The following CDH13 variants were observed in gnomAD, a reference collection of about 807,000 sequenced individuals.
CDH13 encodes cadherin 13.
A neutral mutation model predicts 63.8 loss-of-function variants in CDH13; 24 were observed. The observed-to-expected ratio is 0.38, with a 90% CI of 0.27 to 0.53. The LOEUF (loss-of-function observed/expected upper bound fraction) is 0.53, where lower values mean the gene tolerates loss of function less well. Ranked by LOEUF, CDH13 falls within the 20% of genes least tolerant of loss-of-function variation. CDH13 has a pLI of 0.85. For synonymous variants in CDH13, 503 were observed against 355.3 expected, an observed-to-expected ratio of 1.42 and a Z score of -4.67; for missense variants, 1,049 against 903.1, an observed-to-expected ratio of 1.16 and a Z score of -2.07.
intron 6 of CDH13, among the ~76,000 whole-genome samples, chr16:83,471,659 C>G (rs1169969424): frequency 6.6e-6 from 1 of 152,156 alleles, no homozygotes; most frequent in Non-Finnish European, 1.5e-5. Context: ...TCCAGCCTCC[C>G]CAGTGAGTAA....
At chr16:83,413,833 C>CA (rs1051518104) in intron 6 of CDH13, among the ~76,000 whole-genome samples, 4 of 151,846 alleles carry the variant, frequency 2.6e-5, no homozygotes, top group South Asian at 2.1e-4. Flanking sequence ...ACTAAAACTA[C>CA]AAAAAAAATT....
At chr16:83,619,185 C>T (rs1289678186) in intron 8 of CDH13, among the ~76,000 whole-genome samples, 1 of 152,190 alleles carries the variant, frequency 6.6e-6, no homozygotes, top group Non-Finnish European at 1.5e-5. Context: ...GTGCGCTATG[C>T]CTCCTCTTTT....
chr16:83,388,283 GA>G (rs549786649), intron 6 of CDH13, among the ~76,000 whole-genome samples: 5,045 of 115,478 alleles, frequency 0.044, 209 homozygotes, highest in African/African-American at 0.13. Context: ...CCTCTCTCTG[GA>G]AAAAAAAAAA....
intron 6 of CDH13, among the ~76,000 whole-genome samples, chr16:83,453,752 ATGTATCTCCACC>A (rs2072945560): frequency 6.0e-3 from 2 of 336 alleles, no homozygotes; most frequent in Admixed American, 0.036. Context: ...TTTATCCACC[ATGTATCTCCACC>A]ATGTATCTGT....
intron 5 of CDH13, among the ~76,000 whole-genome samples, chr16:83,261,757 A>G (rs923532048): frequency 2.6e-5 from 4 of 151,718 alleles, no homozygotes; most frequent in Non-Finnish European, 4.4e-5. Flanking sequence ...AAGATCAGAA[A>G]GCGAATAAGT....
At chr16:82,726,901 G>C (rs2033127552) in intron 1 of CDH13, among the ~76,000 whole-genome samples, 1 of 152,178 alleles carries the variant, frequency 6.6e-6, no homozygotes, top group Admixed American at 6.5e-5. Flanking sequence ...GCTGTATTCT[G>C]TCTGAGGCCA....
At chr16:83,110,115 C>A (rs750676723) in intron 3 of CDH13, among the ~76,000 whole-genome samples, 1 of 152,096 alleles carries the variant, frequency 6.6e-6, no homozygotes, top group Non-Finnish European at 1.5e-5. Context: ...TTTTTAGGTT[C>A]AACTTTTCAA....
At chr16:83,167,232 C>T (rs1430527494) in intron 4 of CDH13, among the ~76,000 whole-genome samples, 1 of 151,318 alleles carries the variant, frequency 6.6e-6, no homozygotes, top group African/African-American at 2.4e-5. Flanking sequence ...CACAGTGGCT[C>T]ACGCCTGTAA....
chr16:82,853,361 C>T (rs565478374), intron 1 of CDH13, among the ~76,000 whole-genome samples: 1 of 152,220 alleles, frequency 6.6e-6, no homozygotes, highest in Admixed American at 6.5e-5. Context: ...AATGTCTACC[C>T]TGGAGAATAT....
At chr16:82,976,933 G>A (rs1909596837) in intron 2 of CDH13, among the ~76,000 whole-genome samples, 1 of 152,170 alleles carries the variant, frequency 6.6e-6, no homozygotes, top group African/African-American at 2.4e-5. Flanking sequence ...CTTGTTCTGA[G>A]GAGAGGGCCT....
At chr16:83,431,799 A>G (rs560863762) in intron 6 of CDH13, among the ~76,000 whole-genome samples, 2 of 152,152 alleles carry the variant, frequency 1.3e-5, no homozygotes, top group Admixed American at 6.5e-5. Context: ...ATTCACCCCC[A>G]TGATCTAATC....
intron 2 of CDH13, among the ~76,000 whole-genome samples, chr16:82,894,564 C>A (rs2041187385): frequency 6.6e-6 from 1 of 152,150 alleles, no homozygotes; most frequent in Non-Finnish European, 1.5e-5. Flanking sequence ...ATCGCTTGAA[C>A]CCAGGAGACA....
chr16:82,844,944 C>T (rs1000308141), intron 1 of CDH13, among the ~76,000 whole-genome samples: 2 of 152,044 alleles, frequency 1.3e-5, no homozygotes, highest in Non-Finnish European at 2.9e-5. Flanking sequence ...CGTGAGGCAC[C>T]GCACCTGGCC....
At chr16:82,776,647 T>C (rs1024919366) in intron 1 of CDH13, among the ~76,000 whole-genome samples, 1 of 152,238 alleles carries the variant, frequency 6.6e-6, no homozygotes, top group African/African-American at 2.4e-5. Flanking sequence ...GCATGTTCTG[T>C]TTTTTGTTTT....
chr16:82,985,674 A>G (rs913005683), intron 2 of CDH13, among the ~76,000 whole-genome samples: 1 of 152,038 alleles, frequency 6.6e-6, no homozygotes, highest in East Asian at 1.9e-4. Flanking sequence ...AATGTTGGTA[A>G]TTGATATGGT....
At chr16:83,405,928 C>T (rs1199818521) in intron 6 of CDH13, among the ~76,000 whole-genome samples, 1 of 152,178 alleles carries the variant, frequency 6.6e-6, no homozygotes, top group Non-Finnish European at 1.5e-5. Context: ...AAAGTTAGAA[C>T]AGGCAGCCAA....
intron 3 of CDH13, among the ~76,000 whole-genome samples, chr16:83,085,181 G>A (rs2033506697): frequency 4.0e-5 from 6 of 151,882 alleles, no homozygotes; most frequent in Admixed American, 3.9e-4. Flanking sequence ...TCATGACAGG[G>A]GGCAAAAGGC....
chr16:83,097,073 G>C (rs1417701068), intron 3 of CDH13, among the ~76,000 whole-genome samples: 1 of 152,138 alleles, frequency 6.6e-6, no homozygotes, highest in Non-Finnish European at 1.5e-5. Context: ...TTTTCTCTGT[G>C]TACTGTGGAC....
At chr16:83,291,529 G>A (rs1162845686) in intron 5 of CDH13, among the ~76,000 whole-genome samples, 1 of 152,010 alleles carries the variant, frequency 6.6e-6, no homozygotes, top group East Asian at 1.9e-4. Context: ...CCTCAGAATA[G>A]CATTTGCGTT....
Sources: allele counts gnomAD v4.1 joint callset (sites outside exome capture counted in the v4.1 genomes callset), GRCh38; gene constraint gnomAD v4.1.1; transcripts MANE v1.5; gene names NCBI Gene and HGNC (gene_info 2026-07-23, HGNC 2026-07-21).